PTGIS: variants seen among roughly 807,000 people sequenced by gnomAD.
PTGIS encodes prostaglandin I2 synthase.
A neutral mutation model predicts 50.3 loss-of-function variants in PTGIS; 45 were observed. The ratio of observed to expected loss-of-function variants is 0.90; its 90% confidence interval spans 0.70 to 1.15. The LOEUF is 1.15. PTGIS is among the 50% of genes most tolerant of loss of function. PTGIS has a pLI of 0.00. For synonymous variants in PTGIS, 260 were observed against 267.7 expected, an observed-to-expected ratio of 0.97 and a Z score of 0.28; for missense variants, 668 against 661.3, an observed-to-expected ratio of 1.01 and a Z score of -0.11.
At chr20:49,558,008 T>C (rs1369680879) in intron 1 of PTGIS, among the ~76,000 whole-genome samples, 1 of 152,140 alleles carries the variant, frequency 6.6e-6, no homozygotes, top group Non-Finnish European at 1.5e-5. Flanking sequence ...AACATCTAAA[T>C]TGATTGAGAC....
intron 5 of PTGIS, among the ~76,000 whole-genome samples, chr20:49,525,620 T>G (rs1230675483): frequency 6.6e-6 from 1 of 151,918 alleles, no homozygotes; most frequent in African/African-American, 2.4e-5. Flanking sequence ...GAACCATACA[T>G]GAGCCTTAAT....
chr20:49,541,436 C>G (rs1982224484), intron 4 of PTGIS, among the ~76,000 whole-genome samples: 1 of 152,062 alleles, frequency 6.6e-6, no homozygotes, highest in Non-Finnish European at 1.5e-5. Flanking sequence ...AAAAATAAAC[C>G]AAAAAAGTAA....
chr20:49,520,598 T>G (rs979983923), intron 6 of PTGIS, among the ~76,000 whole-genome samples: 3 of 152,112 alleles, frequency 2.0e-5, no homozygotes, highest in Non-Finnish European at 4.4e-5. Context: ...CCTCTCAAAG[T>G]GCTGGGATTA....
chr20:49,561,444 G>A (rs1982772575), intron 1 of PTGIS, among the ~76,000 whole-genome samples: 1 of 152,146 alleles, frequency 6.6e-6, no homozygotes, highest in Admixed American at 6.5e-5. Context: ...CTTGCCTTGT[G>A]CCTCATCTTT....
At chr20:49,541,145 G>C (rs1473157578) in intron 4 of PTGIS, among the ~76,000 whole-genome samples, 1 of 152,184 alleles carries the variant, frequency 6.6e-6, no homozygotes, top group Non-Finnish European at 1.5e-5. Context: ...AAACATTTGG[G>C]GAAACTCACA....
intron 5 of PTGIS, among the ~76,000 whole-genome samples, chr20:49,526,717 CACATGAA>C (rs1057133516): frequency 1.2e-4 from 19 of 152,148 alleles, no homozygotes; most frequent in African/African-American, 4.1e-4. Flanking sequence ...GGCTGATAAA[CACATGAA>C]ACAATGCTCA....
intron 5 of PTGIS, 150 bp downstream of exon 5, chr20:49,539,420 G>T: frequency 1.0e-6 from 1 of 976,944 alleles, no homozygotes. Flanking sequence ...TTGCGCTCTT[G>T]CATACCCCCA....
In PTGIS at chr20:49,568,123, G is replaced by GCTGGCGGGC. The variant is rs1982955946; in HGVS notation, c.-8_-7insGCCCGCCAG. 1.8e-6 allele frequency: 2 copies of GCTGGCGGGC among 1,087,850 alleles called. No homozygotes were observed. Among genetic ancestry groups the GCTGGCGGGC allele is most frequent in the African/African-American group, 1.7e-5 (1 of 58,898 alleles). 67.4% of individuals were successfully genotyped at this position (1,087,850 alleles called of 1,614,324 possible). ...GGAGCGCGGCCCAAGCCATCGCGGGGCTGGCGGGGCTGGCGGGGCTGGCGG... is the reference window on the plus strand; with the variant it reads ...GGAGCGCGGCCCAAGCCATCGCGGGGCTGGCGGGCCTGGCGGGGCTGGCGGGGCTGGCGG... On this transcript the variant is annotated 5_prime_UTR_variant, in exon 1 of 10. Transcript: ENST00000244043.
intron 5 of PTGIS, among the ~76,000 whole-genome samples, chr20:49,534,402 TCAC>T (rs931711727): frequency 6.6e-6 from 1 of 152,140 alleles, no homozygotes; most frequent in African/African-American, 2.4e-5. Flanking sequence ...AGATGAGAAA[TCAC>T]CGTCCCACAT....
chr20:49,551,206 C>CA (rs959070048), intron 1 of PTGIS, among the ~76,000 whole-genome samples: 9 of 151,710 alleles, frequency 5.9e-5, no homozygotes, highest in South Asian at 2.1e-4. Flanking sequence ...GACTCCGTCT[C>CA]AAAAAAAATA....
chr20:49,524,139 ACT>A lies in PTGIS; in HGVS notation c.772_773del (p.Ser258LeufsTer46). Reference sequence around the variant, plus strand: ...CCATCTCCTCCAGGTGCAGCAGGTAACTCTCCAGCCATTTGCTCCGGTGGGCC... The same window carrying A: ...CCATCTCCTCCAGGTGCAGCAGGTAACTCCAGCCATTTGCTCCGGTGGGCC... ...RRAHRSKWLE[S>X]YLLHLEEMGV... On this transcript the variant is annotated frameshift_variant, in exon 6 of 10. Coordinates refer to ENST00000244043, the MANE Select transcript of PTGIS (RefSeq NM_000961.4). LOFTEE classifies it high-confidence loss of function. 1.2e-6 allele frequency: 2 copies of A among 1,613,876 alleles called. No homozygotes were observed. Among genetic ancestry groups the A allele is most frequent in the South Asian group, 2.2e-5 (2 of 91,046 alleles).
At chr20:49,514,111 T>A in intron 7 of PTGIS, 116 bp downstream of exon 7, 1 of 1,272,744 alleles carries the variant, frequency 7.9e-7, no homozygotes, top group Non-Finnish European at 1.1e-6. Context: ...AGGGAGACCC[T>A]AGGTCGGAGG....
At chr20:49,515,682 A>C (rs1469339108) in intron 6 of PTGIS, among the ~76,000 whole-genome samples, 3 of 152,202 alleles carry the variant, frequency 2.0e-5, no homozygotes, top group Non-Finnish European at 4.4e-5. Context: ...TCAATAAGAG[A>C]TCAATGAGAT....
At chr20:49,546,554 G>C (rs548962534) in intron 3 of PTGIS, among the ~76,000 whole-genome samples, 6 of 152,320 alleles carry the variant, frequency 3.9e-5, no homozygotes, top group African/African-American at 1.4e-4. Flanking sequence ...TGGACTGTGT[G>C]AACTCTGCAG....
At chr20:49,556,275 C>T (rs966835532) in intron 1 of PTGIS, among the ~76,000 whole-genome samples, 1 of 152,112 alleles carries the variant, frequency 6.6e-6, no homozygotes, top group Admixed American at 6.5e-5. Context: ...ATTGGAGACA[C>T]TGGTTATTTT....
intron 1 of PTGIS, among the ~76,000 whole-genome samples, chr20:49,566,991 C>T (rs1021570604): frequency 6.6e-6 from 1 of 152,144 alleles, no homozygotes; most frequent in African/African-American, 2.4e-5. Flanking sequence ...ACTATCTTTG[C>T]AACTTTCTGT....
At chr20:49,528,655 T>C (rs996871761) in intron 5 of PTGIS, among the ~76,000 whole-genome samples, 18 of 152,050 alleles carry the variant, frequency 1.2e-4, no homozygotes, top group Admixed American at 1.1e-3. Flanking sequence ...ATAGCAGTGA[T>C]TGGATCATGG....
At chr20:49,562,391 C>T (rs761371024) in intron 1 of PTGIS, among the ~76,000 whole-genome samples, 2 of 152,236 alleles carry the variant, frequency 1.3e-5, no homozygotes, top group African/African-American at 2.4e-5. Flanking sequence ...CCCAAGGAGG[C>T]GCAGACAAAG....
In PTGIS at chr20:49,549,930, C is replaced by T. The variant is rs527414441; in HGVS notation, c.198+136G>A. Reference sequence around the variant, plus strand: ...GACAGGCAGCTGGATAGAAAGTTGGCTCGACCACTCAGATGGATGTTGGAT... The same window carrying T: ...GACAGGCAGCTGGATAGAAAGTTGGTTCGACCACTCAGATGGATGTTGGAT... On this transcript the variant is annotated intron_variant, in intron 2 of 9. Transcript: ENST00000244043. 1.1e-5 allele frequency: 15 copies of T among 1,416,380 alleles called. No individual in the cohort carries two copies. In the African/African-American group the frequency reaches 2.1e-4, roughly 20 times the overall value. 87.7% of individuals were successfully genotyped at this position (1,416,380 alleles called of 1,614,324 possible).
Sources: gnomAD v4.1 joint callset for allele counts (sites outside exome capture counted in the v4.1 genomes callset) on GRCh38, gnomAD v4.1.1 for gene constraint, MANE v1.5 for transcripts, NCBI Gene and HGNC (gene_info 2026-07-23, HGNC 2026-07-21) for gene names.